Variants in ZNF695 observed in about 807,000 individuals in gnomAD.
ZNF695 encodes zinc finger protein 695.
In ZNF695, 11 loss-of-function variants were observed where a neutral mutation model predicts 11.2. That is an observed-to-expected ratio of 0.98 (90% CI 0.62 to 1.62). ZNF695 has a LOEUF of 1.62. ZNF695 is among the 40% of genes most tolerant of loss of function. ZNF695 has a pLI of 0.00. For missense variants in ZNF695, 559 were observed against 590.5 expected (o/e 0.95, Z 0.55); for synonymous variants, 190 against 201.4 (o/e 0.94, Z 0.48).
intron 3 of ZNF695, among the ~76,000 whole-genome samples, chr1:246,990,689 T>C (rs977433834): frequency 3.9e-5 from 6 of 152,190 alleles, no homozygotes; most frequent in Non-Finnish European, 7.3e-5. Flanking sequence ...CATGGATCAT[T>C]CTCAAGGATA....
intron 1 of ZNF695, among the ~76,000 whole-genome samples, chr1:247,001,990 G>A (rs556349034): frequency 4.6e-5 from 7 of 151,942 alleles, no homozygotes; most frequent in Non-Finnish European, 8.8e-5. Context: ...ACAAACGGAC[G>A]TAATACACAT....
intron 3 of ZNF695, among the ~76,000 whole-genome samples, chr1:246,995,556 G>A (rs79689698): frequency 0.013 from 1,914 of 152,194 alleles, 41 homozygotes; most frequent in African/African-American, 0.044. Context: ...ATGGCCACGC[G>A]CAGTGGCTCA....
intron 1 of ZNF695, among the ~76,000 whole-genome samples, 160 bp from the exon 2 acceptor site, chr1:247,000,234 C>T (rs530703612): frequency 6.6e-6 from 1 of 152,196 alleles, no homozygotes; most frequent in East Asian, 1.9e-4. Flanking sequence ...AGGCCGGGCG[C>T]GGCGGCTCAC....
intron 2 of ZNF695, 68 bp downstream of exon 2, chr1:246,999,844 G>A: frequency 6.7e-7 from 1 of 1,499,658 alleles, no homozygotes; most frequent in Non-Finnish European, 9.2e-7. Flanking sequence ...GCAGTGATGT[G>A]AAACTCATTC....
In ZNF695 at chr1:246,986,964, T is replaced by C. The variant is rs1572524933; in HGVS notation, c.*3A>G. On this transcript the variant is annotated 3_prime_UTR_variant, in exon 4 of 4. Transcript: ENST00000339986. ...CATATTGTTTAGAATTGTAGGGTTT[T>C]TCTCAGGTATGAGTTTTCTCATGTA... 1.3e-6 allele frequency: 2 copies of C among 1,558,812 alleles called. No homozygotes were observed.
At chr1:246,960,983 AG>A (rs1668149404) in intron 5 of ZNF695, among the ~76,000 whole-genome samples, 1 of 152,176 alleles carries the variant, frequency 6.6e-6, no homozygotes, top group Admixed American at 6.5e-5. Context: ...GAATCTATGA[AG>A]GTCTTTTGAG....
At chr1:246,960,763 A>G (rs1668143497) in intron 5 of ZNF695, among the ~76,000 whole-genome samples, 1 of 151,890 alleles carries the variant, frequency 6.6e-6, no homozygotes, top group South Asian at 2.1e-4. Flanking sequence ...AACATGGCAA[A>G]ACTCTAGAAA....
downstream of ZNF695, among the ~76,000 whole-genome samples, chr1:246,984,019 G>A (rs1668777324): frequency 2.0e-5 from 3 of 151,324 alleles, no homozygotes; most frequent in African/African-American, 7.3e-5. Flanking sequence ...AGGAGTGGGG[G>A]TGCACACTTC....
At chr1:246,973,704 A>G (rs1668486041) in intron 4 of ZNF695, among the ~76,000 whole-genome samples, 1 of 152,236 alleles carries the variant, frequency 6.6e-6, no homozygotes, top group Non-Finnish European at 1.5e-5. Context: ...GCCTCATAAC[A>G]ACTTGAAAAA....
intron 1 of ZNF695, among the ~76,000 whole-genome samples, chr1:247,002,853 C>T (rs1010529465): frequency 3.9e-5 from 6 of 151,918 alleles, no homozygotes; most frequent in Non-Finnish European, 7.4e-5. Flanking sequence ...ACATGGCCAA[C>T]ATGCATATGG....
In ZNF695 at chr1:246,986,890, A is replaced by G; in HGVS notation, c.*77T>C. 1 of 1,498,404 alleles carries G rather than the reference A, an allele frequency of 6.7e-7. No homozygotes were observed. Among genetic ancestry groups the G allele is most frequent in the Non-Finnish European group, 8.9e-7 (1 of 1,126,754 alleles). 92.8% of individuals were successfully genotyped at this position (1,498,404 alleles called of 1,614,324 possible). On this transcript the variant is annotated 3_prime_UTR_variant, in exon 4 of 4. Transcript: ENST00000339986. Reference sequence around the variant, plus strand: ...CATTACATTTGTAACACTCTTATTCAGTAAAAATATTCTGCTGTGAAGTTG... The same window carrying G: ...CATTACATTTGTAACACTCTTATTCGGTAAAAATATTCTGCTGTGAAGTTG...
chr1:246,986,340 C>G lies in ZNF695; in HGVS notation c.*627G>C. ...ACCTCGGCATCCAAAAGTGCAGCAA[C>G]TATAGGAAAGAGCCACCGTGCCTGG... On this transcript the variant is annotated 3_prime_UTR_variant, in exon 4 of 4. Transcript: ENST00000339986. 6 of 982,638 alleles carry G rather than the reference C, an allele frequency of 6.1e-6. No individual in the cohort carries two copies. Among genetic ancestry groups the G allele is most frequent in the Non-Finnish European group, 7.3e-6 (6 of 827,396 alleles). The allele number at this position is 982,638 out of a possible 1,614,324, so 60.9% of individuals were successfully genotyped here. A position where few individuals can be genotyped will look rare whatever the true frequency, so the allele number is the denominator to read the frequency against.
Position 246,988,269 on chromosome 1 carries a change from A to C in ZNF695, c.260-14T>G. 6.6e-7 allele frequency: 1 copy of C among 1,525,212 alleles called. No homozygotes were observed. Among genetic ancestry groups the C allele is most frequent in the South Asian group, 1.3e-5 (1 of 76,190 alleles). 94.5% of individuals were successfully genotyped at this position (1,525,212 alleles called of 1,614,324 possible). Reference sequence around the variant, plus strand: ...AAGAAGACAAAACTGGAAAAAATAAAAACAACAAATTATTCCACTTACTAG... The same window carrying C: ...AAGAAGACAAAACTGGAAAAAATAACAACAACAAATTATTCCACTTACTAG... On this transcript the variant is annotated splice_polypyrimidine_tract_variant and intron_variant, in intron 3 of 3. Transcript: ENST00000339986.
At chr1:246,948,150 T>C (rs1667786204) in intron 5 of ZNF695, among the ~76,000 whole-genome samples, 1 of 152,190 alleles carries the variant, frequency 6.6e-6, no homozygotes, top group African/African-American at 2.4e-5. Flanking sequence ...CTTGGCTGAC[T>C]GCAACCTCTA....
intron 5 of ZNF695, among the ~76,000 whole-genome samples, chr1:246,958,360 G>C (rs1421933222): frequency 6.6e-6 from 1 of 151,970 alleles, no homozygotes; most frequent in Non-Finnish European, 1.5e-5. Flanking sequence ...ACCCAGCCGG[G>C]ACTTGTCTTA....
intron 5 of ZNF695, among the ~76,000 whole-genome samples, chr1:246,953,472 G>T (rs763990163): frequency 6.6e-6 from 1 of 152,048 alleles, no homozygotes; most frequent in Non-Finnish European, 1.5e-5. Flanking sequence ...TTAGCCAGGC[G>T]TGGTGGCACA....
chr1:246,964,573 T>C (rs1287835887), intron 5 of ZNF695, among the ~76,000 whole-genome samples: 1 of 152,230 alleles, frequency 6.6e-6, no homozygotes, highest in Non-Finnish European at 1.5e-5. Context: ...GAAACTCATG[T>C]TGAAACTTAA....
downstream of ZNF695, among the ~76,000 whole-genome samples, chr1:246,984,168 A>AAG (rs1311942706): frequency 4.6e-5 from 7 of 150,730 alleles, no homozygotes; most frequent in East Asian, 3.9e-4. Context: ...AAAAAAAAAA[A>AAG]AAGAAGAAGA....
intron 3 of ZNF695, among the ~76,000 whole-genome samples, chr1:246,993,424 A>G (rs568725361): frequency 6.6e-6 from 1 of 152,056 alleles, no homozygotes; most frequent in South Asian, 2.1e-4. Context: ...ACAAACAAAC[A>G]AACAAACAAA....
Sources: allele counts gnomAD v4.1 joint callset (sites outside exome capture counted in the v4.1 genomes callset), GRCh38; gene constraint gnomAD v4.1.1; transcripts MANE v1.5; gene names NCBI Gene and HGNC (gene_info 2026-07-23, HGNC 2026-07-21).